The following PTPRQ variants were observed in gnomAD, a reference collection of about 807,000 sequenced individuals.
PTPRQ encodes the protein protein tyrosine phosphatase receptor type Q.
PTPRQ carries 199 observed loss-of-function variants against 246.0 expected under a neutral mutation model. That is an observed-to-expected ratio of 0.81 (90% CI 0.72 to 0.91). The LOEUF is 0.91. Among genes scored for constraint, PTPRQ ranks in the 40% least tolerant of loss-of-function variants. The probability of loss-of-function intolerance (pLI) is 0.00; values close to 1 mark genes in which losing one functional copy is unlikely to be tolerated. For synonymous variants in PTPRQ, 869 were observed against 853.2 expected (o/e 1.02, Z -0.32); for missense variants, 2,624 against 2,528.4 (o/e 1.04, Z -0.81).
At chr12:80,631,629 T>C (rs1191214650) in intron 33 of PTPRQ, among the ~76,000 whole-genome samples, 1 of 152,186 alleles carries the variant, frequency 6.6e-6, no homozygotes, top group Non-Finnish European at 1.5e-5. Context: ...CAAAGTTACA[T>C]AGTTTCTTTG....
At position 80,678,721 on chromosome 12, in the gene PTPRQ, G is replaced by A. The variant is rs1363837737; in HGVS notation, c.6858G>A (p.Met2286Ile). 1.3e-6 allele frequency: 2 copies of A among 1,548,234 alleles called. No individual in the cohort carries two copies. Among genetic ancestry groups the A allele is most frequent in the African/African-American group, 1.4e-5 (1 of 72,894 alleles). Reference protein sequence around the residue: ...ALQKMDSLDAMEGDVELEWEE... With the variant: ...ALQKMDSLDAIEGDVELEWEE... ...AGAAGATGGACTCTTTGGACGCCAT[G>A]GAAGGTAAACAGAAACAACAGTATA... The change falls in exon 44 of 45, where the codon ATG becomes ATA. Residue 2286 changes from methionine to isoleucine, a missense_variant. Transcript: ENST00000644991.
At chr12:80,677,042 G>C (rs1039814799) in intron 43 of PTPRQ, among the ~76,000 whole-genome samples, 5 of 152,092 alleles carry the variant, frequency 3.3e-5, no homozygotes, top group Admixed American at 3.3e-4. Context: ...AACGGCAGAA[G>C]GACCTTGGAA....
chr12:80,562,801 A>G (rs936249685), intron 25 of PTPRQ, among the ~76,000 whole-genome samples: 1 of 152,138 alleles, frequency 6.6e-6, no homozygotes, highest in Non-Finnish European at 1.5e-5. Flanking sequence ...TTGAAAACAG[A>G]AAAACAGTAG....
intron 35 of PTPRQ, among the ~76,000 whole-genome samples, chr12:80,645,144 C>T (rs1281320461): frequency 6.6e-6 from 1 of 152,006 alleles, no homozygotes; most frequent in East Asian, 1.9e-4. Flanking sequence ...AAAGCCAAAT[C>T]AGATTCCACC....
intron 17 of PTPRQ, among the ~76,000 whole-genome samples, chr12:80,524,509 A>C (rs1052607163): frequency 1.3e-5 from 2 of 152,098 alleles, no homozygotes; most frequent in African/African-American, 2.4e-5. Context: ...AATATTGCAC[A>C]ATTTTAGCAT....
intron 39 of PTPRQ, among the ~76,000 whole-genome samples, chr12:80,662,943 C>T (rs118075738): frequency 0.043 from 6,595 of 152,030 alleles, 234 homozygotes; most frequent in South Asian, 0.18. Flanking sequence ...AATTGACATA[C>T]TTTCTTCATT....
chr12:80,584,398 A>G (rs747281600), intron 25 of PTPRQ, among the ~76,000 whole-genome samples: 10 of 152,172 alleles, frequency 6.6e-5, no homozygotes, highest in Non-Finnish European at 1.5e-4. Flanking sequence ...TACTGTTGCT[A>G]TCACCTAATT....
chr12:80,638,958 G>T (rs552646623), intron 35 of PTPRQ, among the ~76,000 whole-genome samples: 1 of 152,252 alleles, frequency 6.6e-6, no homozygotes, highest in Non-Finnish European at 1.5e-5. Flanking sequence ...TGATCCTTGG[G>T]TTTTGTTATC....
In PTPRQ at chr12:80,445,592, T is replaced by A; in HGVS notation, c.265T>A (p.Tyr89Asn). 1 of 1,549,430 alleles carries A rather than the reference T, an allele frequency of 6.5e-7. No individual in the cohort carries two copies. The highest frequency in any genetic ancestry group is 2.4e-5 in the East Asian group (1 of 40,904). The change falls in exon 3 of 45, where the codon TAC becomes AAC. Residue 89 changes from tyrosine (Y) to asparagine (N), a missense_variant. Physicochemically the swap from Tyr to Asn is moderately radical, Grantham distance 143. Transcript: ENST00000644991. The stretch of plus-strand genomic sequence containing the variant: ...TAATCCAAATGGAAGGATTATATCT[T>A]ACATTGTCAAATATAAGGAAGTTTG... ...PPNPNGRIIS[Y>N]IVKYKEVCPW...
chr12:80,481,427 G>A (rs1894051950), intron 8 of PTPRQ, among the ~76,000 whole-genome samples: 1 of 152,114 alleles, frequency 6.6e-6, no homozygotes, highest in Non-Finnish European at 1.5e-5. Flanking sequence ...CATACTGAAT[G>A]GGCAAAAACT....
At chr12:80,453,070 T>G (rs552578895) in intron 3 of PTPRQ, among the ~76,000 whole-genome samples, 2 of 152,156 alleles carry the variant, frequency 1.3e-5, no homozygotes, top group Non-Finnish European at 2.9e-5. Context: ...CATTTCTTTT[T>G]ATTCTTTTTT....
rs567182868 is a variant in PTPRQ, at chr12:80,623,564, C to A, written c.5686+1430C>A. On this transcript the variant is annotated intron_variant, in intron 33 of 44. Transcript: ENST00000644991. The stretch of plus-strand genomic sequence containing the variant: ...CAGCATAATTTCCTATAGGTTACAG[C>A]ATTCATAAGCCATTACTTCAGCTAA... 1.3e-3 allele frequency among the ~76,000 whole-genome samples: 193 copies of A among 152,240 alleles called. 1 individual carries two copies. Among genetic ancestry groups the A allele is most frequent in the African/African-American group, 4.5e-3 (189 of 41,562 alleles).
At chr12:80,529,717 C>T (rs1198149561) in intron 17 of PTPRQ, among the ~76,000 whole-genome samples, 1 of 152,028 alleles carries the variant, frequency 6.6e-6, no homozygotes, top group Non-Finnish European at 1.5e-5. Context: ...ATCTTAGAGA[C>T]TATTTATCCC....
At chr12:80,552,239 C>G (rs1896496516) in intron 25 of PTPRQ, among the ~76,000 whole-genome samples, 1 of 151,926 alleles carries the variant, frequency 6.6e-6, no homozygotes, top group Non-Finnish European at 1.5e-5. Context: ...CAGTGGGTGG[C>G]CAGCACATCA....
intron 26 of PTPRQ, among the ~76,000 whole-genome samples, chr12:80,595,036 T>C (rs1455795447): frequency 2.0e-5 from 3 of 152,216 alleles, no homozygotes; most frequent in Admixed American, 6.6e-5. Flanking sequence ...ACACATGCAC[T>C]GTTCTTTCTC....
chr12:80,567,546 A>G (rs976329356), intron 25 of PTPRQ, among the ~76,000 whole-genome samples: 4 of 152,168 alleles, frequency 2.6e-5, no homozygotes, highest in Admixed American at 1.3e-4. Context: ...ATCAACATAG[A>G]TTAGTTTCAC....
chr12:80,650,795 C>T (rs1273794752), intron 37 of PTPRQ, among the ~76,000 whole-genome samples: 1 of 151,432 alleles, frequency 6.6e-6, no homozygotes, highest in Non-Finnish European at 1.5e-5. Flanking sequence ...TTATGCATGA[C>T]CAAGTAGATA....
At chr12:80,523,850 G>T (rs1352890308) in intron 17 of PTPRQ, among the ~76,000 whole-genome samples, 2 of 152,158 alleles carry the variant, frequency 1.3e-5, no homozygotes, top group African/African-American at 4.8e-5. Flanking sequence ...TGTTGATTTG[G>T]GGTGGAGAGT....
chr12:80,632,250 T>C lies in PTPRQ; in HGVS notation c.5745T>C (p.Leu1915=), dbSNP rs1339099167. 1 of 1,551,298 alleles carries C rather than the reference T, an allele frequency of 6.4e-7. No individual in the cohort carries two copies. The highest frequency in any genetic ancestry group is 8.7e-7 in the Non-Finnish European group (1 of 1,146,850). The stretch of plus-strand genomic sequence containing the variant: ...TTCTTTCCGTCACTTTGTGTATCCT[T>C]TCAATAATTCTCCTTGGAACAGCTA... The part of the protein sequence containing the change: ...EIILSVTLCI[L]SIILLGTAIF... The change falls in exon 34 of 45, where the codon CTT becomes CTC. Residue 1915 remains leucine, a synonymous_variant. Transcript: ENST00000644991.
Sources: allele counts gnomAD v4.1 joint callset (sites outside exome capture counted in the v4.1 genomes callset), GRCh38; gene constraint gnomAD v4.1.1; transcripts MANE v1.5; gene names NCBI Gene and HGNC (gene_info 2026-07-23, HGNC 2026-07-21).